The following SLC30A6 variants were observed in gnomAD, a reference collection of about 807,000 sequenced individuals.
The protein encoded by SLC30A6 is zinc transporter 6.
SLC30A6 carries 55 observed loss-of-function variants against 63.0 expected under a neutral mutation model. The ratio of observed to expected loss-of-function variants is 0.87; its 90% CI spans 0.70 to 1.09. The LOEUF (loss-of-function observed/expected upper bound fraction) is 1.09, where lower values mean the gene tolerates loss of function less well. Among genes scored for constraint, SLC30A6 ranks in the 50% least tolerant of loss-of-function variants. SLC30A6 has a pLI of 0.00. For synonymous variants in SLC30A6, 224 were observed against 186.1 expected, an observed-to-expected ratio of 1.20 and a Z score of -1.66; for missense variants, 587 against 549.2, an observed-to-expected ratio of 1.07 and a Z score of -0.69.
chr2:32,210,727 A>G (rs965920661), intron 13 of SLC30A6, among the ~76,000 whole-genome samples: 2 of 152,012 alleles, frequency 1.3e-5, no homozygotes, highest in African/African-American at 4.8e-5. Context: ...CAGTTCAATG[A>G]TATTACCCAC....
chr2:32,178,033 C>T (rs541159014), intron 4 of SLC30A6, among the ~76,000 whole-genome samples: 9 of 150,958 alleles, frequency 6.0e-5, no homozygotes, highest in African/African-American at 2.2e-4. Flanking sequence ...CTGCAATCTC[C>T]GCCTCCCAGG....
rs985885271 is a variant in SLC30A6 at position 32,223,001 on chromosome 2, G to T, written c.*2288G>T. The T allele has an allele frequency of 1.3e-5, 2 of 152,180 alleles. No individual in the cohort carries two copies. Among genetic ancestry groups the T allele is most frequent in the Non-Finnish European group, 2.9e-5 (2 of 68,054 alleles). The allele number at this position is 152,180 out of a possible 1,614,324, so 9.4% of individuals were successfully genotyped here. A position where few individuals can be genotyped will look rare whatever the true frequency, so the allele number is the denominator to read the frequency against. ...ACACCTGTGCATCTGTCCCACCAAA[G>T]GTGCTTTAATACCTACCTTCACTAT... On this transcript the variant is annotated 3_prime_UTR_variant, in exon 14 of 14. Coordinates refer to ENST00000282587, the MANE Select transcript of SLC30A6 (RefSeq NM_017964.5).
chr2:32,216,089 T>G (rs2148909548), intron 13 of SLC30A6, among the ~76,000 whole-genome samples: 1 of 152,362 alleles, frequency 6.6e-6, no homozygotes, highest in South Asian at 2.1e-4. Flanking sequence ...ATGGGATTGC[T>G]GGGTCAAATG....
intron 13 of SLC30A6, among the ~76,000 whole-genome samples, chr2:32,211,139 G>C (rs1573411643): frequency 6.6e-6 from 1 of 152,142 alleles, no homozygotes. Flanking sequence ...AAAATCTTTG[G>C]TTCTCAGGGT....
At chr2:32,196,019 T>TAA (rs769441160) in intron 8 of SLC30A6, among the ~76,000 whole-genome samples, 1 of 150,690 alleles carries the variant, frequency 6.6e-6, no homozygotes, top group Non-Finnish European at 1.5e-5. Flanking sequence ...ACTCTGGCTT[T>TAA]AAAAAAAAAT....
intron 13 of SLC30A6, among the ~76,000 whole-genome samples, chr2:32,219,061 CCTTCTTCT>C (rs1685942581): frequency 6.6e-6 from 1 of 151,924 alleles, no homozygotes; most frequent in African/African-American, 2.4e-5. Context: ...TTCCTTCTTC[CCTTCTTCT>C]CTTCCCATGC....
intron 4 of SLC30A6, 146 bp from the exon 5 acceptor site, chr2:32,184,127 T>A (rs6753276): frequency 3.6e-6 from 1 of 277,780 alleles, no homozygotes; most frequent in Non-Finnish European, 6.8e-6. Flanking sequence ...ATTAATTATC[T>A]TAATAAATTA....
At chr2:32,220,081 A>G (rs1686037231) in intron 13 of SLC30A6, 132 bp from the exon 14 acceptor site, 1 of 996,148 alleles carries the variant, frequency 1.0e-6, no homozygotes, top group Non-Finnish European at 1.4e-6. Context: ...TTTAAGAAAT[A>G]TTAACATTAA....
chr2:32,193,062 T>TGCTG (rs1683480980), intron 7 of SLC30A6, 109 bp downstream of exon 7: 4 of 666,528 alleles, frequency 6.0e-6, no homozygotes, highest in Non-Finnish European at 9.7e-6. Flanking sequence ...AACATAACGT[T>TGCTG]TTTGCTGGTA....
chr2:32,174,864 T>C (rs1377964499), intron 3 of SLC30A6, among the ~76,000 whole-genome samples: 1 of 152,204 alleles, frequency 6.6e-6, no homozygotes, highest in Non-Finnish European at 1.5e-5. Context: ...AGATTTGTTT[T>C]TAATATAATA....
At chr2:32,184,380 T>C in intron 5 of SLC30A6, 42 bp downstream of exon 5, 2 of 1,144,342 alleles carry the variant, frequency 1.7e-6, no homozygotes, top group Non-Finnish European at 2.4e-6. Flanking sequence ...TTATGACTAC[T>C]AAAATATTAT....
At chr2:32,211,207 G>A (rs534755998) in intron 13 of SLC30A6, among the ~76,000 whole-genome samples, 97 of 152,262 alleles carry the variant, frequency 6.4e-4, no homozygotes, top group African/African-American at 9.6e-4. Context: ...TTCAGAGTTC[G>A]GGCAGCGGAC....
chr2:32,177,619 T>C (rs1407189686), intron 4 of SLC30A6: 1 of 164,082 alleles, frequency 6.1e-6, no homozygotes, highest in Non-Finnish European at 1.4e-5. Flanking sequence ...CTAAGAGTTT[T>C]ATAGTTTTTG....
chr2:32,200,114 GAT>G (rs1382264686), intron 10 of SLC30A6, among the ~76,000 whole-genome samples: 1 of 150,900 alleles, frequency 6.6e-6, no homozygotes, highest in Middle Eastern at 3.4e-3. Context: ...AATATGTGTT[GAT>G]ATATATATAT....
intron 3 of SLC30A6, among the ~76,000 whole-genome samples, 170 bp downstream of exon 3, chr2:32,174,317 A>G (rs1285486108): frequency 1.3e-5 from 2 of 152,032 alleles, no homozygotes; most frequent in African/African-American, 2.4e-5. Flanking sequence ...ACTTTTGTTC[A>G]TTTGTTAGGA....
intron 10 of SLC30A6, among the ~76,000 whole-genome samples, chr2:32,198,604 A>T (rs764737926): frequency 2.0e-5 from 3 of 152,126 alleles, no homozygotes; most frequent in Non-Finnish European, 4.4e-5. Context: ...TTTTTCTGAG[A>T]TGGAGTTTCG....
intron 2 of SLC30A6, among the ~76,000 whole-genome samples, chr2:32,172,721 AAGTG>A (rs1681349243): frequency 2.6e-5 from 1 of 38,756 alleles, no homozygotes; most frequent in South Asian, 1.2e-3. Context: ...GCTGCCTATT[AAGTG>A]CTGCCTATTA....
chr2:32,175,391 GAGCT>G (rs1681644522), intron 4 of SLC30A6, 30 bp downstream of exon 4: 3 of 1,595,376 alleles, frequency 1.9e-6, no homozygotes, highest in Non-Finnish European at 2.6e-6. Flanking sequence ...TAATGTTTTG[GAGCT>G]AATAAGGAAC....
rs544539842 is a variant in SLC30A6, at chr2:32,203,519, G to C, written c.666-1071G>C. 8 of 1,606,232 alleles carry C rather than the reference G, an allele frequency of 5.0e-6. No homozygotes were observed. In the Admixed American group the frequency reaches 1.0e-4, roughly 20 times the overall value. On this transcript the variant is annotated intron_variant, in intron 10 of 13. Transcript: ENST00000282587. ...TTTAGCCCACATTTCTGGTGCATCA[G>C]GCTTTGAACCACGATCTTTGATCAC...
Sources: allele counts gnomAD v4.1 joint callset (sites outside exome capture counted in the v4.1 genomes callset), GRCh38; gene constraint gnomAD v4.1.1; transcripts MANE v1.5; gene names NCBI Gene and HGNC (gene_info 2026-07-23, HGNC 2026-07-21).